PTGES3L: variants seen among roughly 807,000 people sequenced by gnomAD.
The protein encoded by PTGES3L is putative protein PTGES3L.
In PTGES3L, 17 loss-of-function variants were observed where a neutral mutation model predicts 25.0. That is an observed-to-expected ratio of 0.68 (90% confidence interval 0.47 to 1.02). The LOEUF (loss-of-function observed/expected upper bound fraction) is 1.02, where lower values mean the gene tolerates loss of function less well. Among genes scored for constraint, PTGES3L ranks in the 50% least tolerant of loss-of-function variants. The pLI, the probability that PTGES3L is intolerant of heterozygous loss-of-function variation, is 0.00. For missense variants in PTGES3L, 202 were observed against 197.5 expected, an observed-to-expected ratio of 1.02 and a Z score of -0.14; for synonymous variants, 59 against 65.7, an observed-to-expected ratio of 0.90 and a Z score of 0.50.
rs1333631236 is a variant in PTGES3L, at chr17:42,977,694, A to AAGAC, written c.288+1475_288+1476insGTCT. On this transcript the variant is annotated intron_variant, in intron 4 of 6. Coordinates refer to ENST00000591916, the MANE Select transcript of PTGES3L (RefSeq NM_001261430.2). The stretch of plus-strand genomic sequence containing the variant: ...GAGAGAGAGAGAGAGAAAGAAAGAA[A>AAGAC]AGAAAGAAAGAAAGAAAGAAAAGAA... Among the ~76,000 whole-genome samples the AAGAC allele has an allele frequency of 2.7e-5, 4 of 150,022 alleles. No homozygotes were observed. The East Asian group carries it at 7.8e-4, about 29-fold the overall frequency.
chr17:42,972,880 C>T (rs1210164956), intron 4 of PTGES3L, among the ~76,000 whole-genome samples: 1 of 149,434 alleles, frequency 6.7e-6, no homozygotes, highest in Non-Finnish European at 1.5e-5. Flanking sequence ...AAGTGAGGAG[C>T]GCCTCTTCCC....
chr17:42,979,159 C>T lies in PTGES3L; in HGVS notation c.288+11G>A, dbSNP rs765177675. On this transcript the variant is annotated intron_variant, in intron 4 of 6. Coordinates refer to ENST00000591916, the MANE Select transcript of PTGES3L (RefSeq NM_001261430.2). ...TGGAGAGAAGAAGCAGGCCACTTTCCACACACCCACCTTGATATCCTCCTT... is the reference window on the plus strand; with the variant it reads ...TGGAGAGAAGAAGCAGGCCACTTTCTACACACCCACCTTGATATCCTCCTT... The T allele has an allele frequency of 6.2e-7, 1 of 1,614,138 alleles. No homozygotes were observed. Among genetic ancestry groups the T allele is most frequent in the Non-Finnish European group, 8.5e-7 (1 of 1,180,020 alleles).
chr17:42,976,196 C>G (rs1193634943), intron 4 of PTGES3L, among the ~76,000 whole-genome samples: 1 of 151,840 alleles, frequency 6.6e-6, no homozygotes, highest in Non-Finnish European at 1.5e-5. Flanking sequence ...GTTGGCCAGG[C>G]TGGTCTTGAA....
chr17:42,968,974 C>G lies in PTGES3L; in HGVS notation c.*174G>C. ...CTGATGTGGAGCCATAGTCAAGTGC[C>G]TAGGAGGAAGACAAGCTTGAAGGAC... On this transcript the variant is annotated 3_prime_UTR_variant, in exon 7 of 7. Coordinates refer to ENST00000591916, the MANE Select transcript of PTGES3L (RefSeq NM_001261430.2). The G allele has an allele frequency of 1.8e-6, 1 of 567,548 alleles. No individual in the cohort carries two copies. The highest frequency in any genetic ancestry group is 3.2e-6 in the Non-Finnish European group (1 of 317,134). 35.2% of individuals were successfully genotyped at this position (567,548 alleles called of 1,614,324 possible).
At chr17:42,969,250 TAAC>T in intron 6 of PTGES3L, 64 bp from the exon 7 acceptor site, 3 of 981,468 alleles carry the variant, frequency 3.1e-6, no homozygotes, top group Admixed American at 2.4e-5. Context: ...ACATTTGTGT[TAAC>T]AAATACTGCT....
In PTGES3L at chr17:42,979,421, T is replaced by A. The variant is rs2050031100; in HGVS notation, c.146A>T (p.Glu49Val). The A allele has an allele frequency of 1.2e-6, 2 of 1,614,116 alleles. No homozygotes were observed. The highest frequency in any genetic ancestry group is 8.5e-7 in the Non-Finnish European group (1 of 1,180,012). Residue 49 changes from glutamate to valine, a missense_variant, in exon 3 of 7, where the codon GAG (glutamate) becomes GTG (valine). Coordinates refer to ENST00000591916, the MANE Select transcript of PTGES3L (RefSeq NM_001261430.2). ...VFSCKNADGVELYNEIEFYAK... is the reference protein window; with the variant it reads ...VFSCKNADGVVLYNEIEFYAK... ...ATAGAACTCAATCTCATTGTACAAC[T>A]CCACTCCATCGGCATTCTTGCAGCT...
rs1291183165 is a variant in PTGES3L at position 42,979,207 on chromosome 17, T to G, written c.251A>C (p.Lys84Thr). The G allele has an allele frequency of 1.2e-6, 2 of 1,614,032 alleles. No homozygotes were observed. Among genetic ancestry groups the G allele is most frequent in the Non-Finnish European group, 1.7e-6 (2 of 1,179,994 alleles). The change falls in exon 4 of 7, where the codon AAG (lysine) becomes ACG (threonine). Residue 84 changes from lysine (K) to threonine (T), a missense_variant. Coordinates refer to ENST00000591916, the MANE Select transcript of PTGES3L (RefSeq NM_001261430.2). ...CTTGGTAAGCCGCGGCCAGGCCACC[T>G]TTTCCTTCCATTTTCTCACAAAACA... ...ITCFVRKWKE[K>T]VAWPRLTKED...
intron 5 of PTGES3L, among the ~76,000 whole-genome samples, chr17:42,971,185 A>G (rs1362593602): frequency 6.6e-6 from 1 of 152,048 alleles, no homozygotes; most frequent in Admixed American, 6.6e-5. Context: ...CTGTAATCCC[A>G]GCTACTCAGG....
Position 42,979,536 on chromosome 17 carries a change from G to T in PTGES3L, c.122+14C>A. Reference sequence around the variant, plus strand: ...TTCCTGGGAAGCCAGGCCCTCGGACGGCAGGGCCACTACCTGAACACAATG... The same window carrying T: ...TTCCTGGGAAGCCAGGCCCTCGGACTGCAGGGCCACTACCTGAACACAATG... On this transcript the variant is annotated intron_variant, in intron 2 of 6. Transcript: ENST00000591916. 1 of 1,614,130 alleles carries T rather than the reference G, an allele frequency of 6.2e-7. No individual in the cohort carries two copies. Among genetic ancestry groups the T allele is most frequent in the Non-Finnish European group, 8.5e-7 (1 of 1,179,974 alleles).
chr17:42,974,772 CAAAAA>C (rs35782715), intron 4 of PTGES3L, among the ~76,000 whole-genome samples: 1 of 120,122 alleles, frequency 8.3e-6, no homozygotes, highest in Non-Finnish European at 1.8e-5. Flanking sequence ...GACTCTGTCT[CAAAAA>C]AAAAAAAAAA....
intron 4 of PTGES3L, among the ~76,000 whole-genome samples, chr17:42,975,156 A>AG (rs397712961): frequency 6.7e-6 from 1 of 149,968 alleles, no homozygotes; most frequent in East Asian, 2.0e-4. Context: ...AAAAAAAAAA[A>AG]GGTCAACACA....
chr17:42,979,769 T>G (rs530530594), intron 1 of PTGES3L, 106 bp from the exon 2 acceptor site: 2 of 1,478,272 alleles, frequency 1.4e-6, no homozygotes, highest in Admixed American at 4.0e-5. Context: ...TTTTTCAAAG[T>G]GGAGCTAAAT....
At chr17:42,969,279 T>G (rs1056529138) in intron 6 of PTGES3L, 93 bp from the exon 7 acceptor site, 7 of 750,216 alleles carry the variant, frequency 9.3e-6, no homozygotes, top group Non-Finnish European at 1.4e-5. Context: ...TCTCCTGTTC[T>G]CCAAGTTTCT....
intron 6 of PTGES3L, among the ~76,000 whole-genome samples, chr17:42,970,067 C>T (rs1332721258): frequency 1.3e-5 from 2 of 152,092 alleles, no homozygotes; most frequent in Admixed American, 1.3e-4. Context: ...GCAGAGGTTG[C>T]AGTGAGCCAA....
chr17:42,973,857 G>A lies in PTGES3L; in HGVS notation c.289-2161C>T, dbSNP rs950529160. ...AAGTAATCAGGGACACAAACACTGC[G>A]GAAGGCCGCAGGGTCCTCTGCCTAG... On this transcript the variant is annotated intron_variant, in intron 4 of 6. Transcript: ENST00000591916. Among the ~76,000 whole-genome samples the A allele has an allele frequency of 9.7e-4, 138 of 142,810 alleles. 1 individual carries two copies. The highest frequency in any genetic ancestry group is 3.1e-3 in the African/African-American group (120 of 38,554). 93.7% of individuals were successfully genotyped at this position (142,810 alleles called of 152,430 possible).
chr17:42,968,774 C>T lies in PTGES3L; in HGVS notation c.*374G>A, dbSNP rs978720461. On this transcript the variant is annotated 3_prime_UTR_variant, in exon 7 of 7. Transcript: ENST00000591916. ...AATCTGTTTCTTCTTTGGCTTTTTGCTTTGCCCCATATGCACACATAGTAG... is the reference window on the plus strand; with the variant it reads ...AATCTGTTTCTTCTTTGGCTTTTTGTTTTGCCCCATATGCACACATAGTAG... 1 of 189,824 alleles carries T rather than the reference C, an allele frequency of 5.3e-6. No individual in the cohort carries two copies. 11.8% of individuals were successfully genotyped at this position (189,824 alleles called of 1,614,324 possible). A position where few individuals can be genotyped will look rare whatever the true frequency, so the allele number is the denominator to read the frequency against.
intron 4 of PTGES3L, among the ~76,000 whole-genome samples, chr17:42,978,090 A>AAAC (rs1555566312): frequency 2.7e-5 from 4 of 150,342 alleles, no homozygotes; most frequent in South Asian, 4.2e-4. Flanking sequence ...AAAAAAAAAA[A>AAAC]AAAAAAAAAA....
intron 4 of PTGES3L, among the ~76,000 whole-genome samples, chr17:42,977,545 A>C (rs2151951839): frequency 6.7e-6 from 1 of 149,262 alleles, no homozygotes; most frequent in African/African-American, 2.4e-5. Flanking sequence ...CGGAGGTTGC[A>C]GTGAGCCGAG....
rs965126708 is a variant in PTGES3L at position 42,971,476 on chromosome 17, A to T, written c.378+131T>A. On this transcript the variant is annotated intron_variant, in intron 5 of 6. Transcript: ENST00000591916. ...CACAAAATACGTAAAGAATATCAGC[A>T]TCAATGAGTAACCTGCCTAGAGAGC... is the stretch of plus-strand genomic sequence containing the variant. The T allele has an allele frequency of 3.8e-5, 32 of 839,342 alleles. No individual in the cohort carries two copies. In the African/African-American group the frequency reaches 4.2e-4, roughly 11 times the overall value. The allele number at this position is 839,342 out of a possible 1,614,324, so 52.0% of individuals were successfully genotyped here. A position where few individuals can be genotyped will look rare whatever the true frequency, so the allele number is the denominator to read the frequency against.
Sources: gnomAD v4.1 joint callset for allele counts (sites outside exome capture counted in the v4.1 genomes callset) on GRCh38, gnomAD v4.1.1 for gene constraint, MANE v1.5 for transcripts, NCBI Gene and HGNC (gene_info 2026-07-23, HGNC 2026-07-21) for gene names.